The following AUTS2 variants were observed in gnomAD, a reference collection of about 807,000 sequenced individuals.
AUTS2 encodes the protein activator of transcription and developmental regulator AUTS2.
AUTS2 carries 17 observed loss-of-function variants against 112.4 expected under a neutral mutation model. The observed-to-expected ratio is 0.15, with a 90% confidence interval of 0.10 to 0.23. The LOEUF (loss-of-function observed/expected upper bound fraction) is 0.23, where lower values mean the gene tolerates loss of function less well. Ranked by LOEUF, AUTS2 falls within the 10% of genes least tolerant of loss-of-function variation. AUTS2 has a pLI of 1.00. For missense variants in AUTS2, 1,510 were observed against 1,701.6 expected (o/e 0.89, Z 1.98); for synonymous variants, 751 against 702.7 (o/e 1.07, Z -1.09).
chr7:69,845,914 T>C (rs1390116697), intron 1 of AUTS2, among the ~76,000 whole-genome samples: 1 of 152,168 alleles, frequency 6.6e-6, no homozygotes, highest in Admixed American at 6.5e-5. Context: ...ACTGTGGACA[T>C]TCTGGTTCTG....
chr7:70,576,700 T>C (rs1802185014), intron 5 of AUTS2, among the ~76,000 whole-genome samples: 2 of 152,208 alleles, frequency 1.3e-5, no homozygotes, highest in African/African-American at 4.8e-5. Flanking sequence ...AAAATAGGAA[T>C]AAGTGCAGTC....
At chr7:69,962,292 G>T (rs1380935045) in intron 2 of AUTS2, among the ~76,000 whole-genome samples, 3 of 152,114 alleles carry the variant, frequency 2.0e-5, no homozygotes, top group African/African-American at 7.2e-5. Context: ...GTGGGCCCTG[G>T]CTTCTTTCCT....
chr7:69,904,501 A>G (rs1001125591), intron 2 of AUTS2, among the ~76,000 whole-genome samples: 1 of 152,230 alleles, frequency 6.6e-6, no homozygotes, highest in African/African-American at 2.4e-5. Context: ...CATTTGAGAC[A>G]CGAATGTAAT....
At chr7:70,271,171 C>T (rs931444287) in intron 4 of AUTS2, among the ~76,000 whole-genome samples, 2 of 152,094 alleles carry the variant, frequency 1.3e-5, no homozygotes, top group Non-Finnish European at 2.9e-5. Context: ...TCCTTTCTTT[C>T]CCTTCAGTTG....
intron 2 of AUTS2, among the ~76,000 whole-genome samples, chr7:69,913,126 T>A (rs1010538415): frequency 1.3e-5 from 2 of 152,256 alleles, no homozygotes; most frequent in East Asian, 3.8e-4. Flanking sequence ...TCCACATTCC[T>A]GTGCCTGTGC....
intron 4 of AUTS2, among the ~76,000 whole-genome samples, chr7:70,388,172 T>C (rs567502235): frequency 3.9e-5 from 6 of 152,232 alleles, no homozygotes; most frequent in Non-Finnish European, 7.3e-5. Flanking sequence ...CTTCAAATTC[T>C]TTCTCTTCCA....
intron 1 of AUTS2, among the ~76,000 whole-genome samples, chr7:69,687,358 G>A (rs1427713264): frequency 6.6e-6 from 1 of 152,152 alleles, no homozygotes; most frequent in African/African-American, 2.4e-5. Flanking sequence ...CTAACTGTTG[G>A]TGTGTGTAAG....
intron 1 of AUTS2, among the ~76,000 whole-genome samples, chr7:69,694,427 T>G (rs758406400): frequency 1.3e-5 from 2 of 152,078 alleles, no homozygotes; most frequent in Non-Finnish European, 2.9e-5. Flanking sequence ...GGGAAAAAAG[T>G]TTGGGTTCTG....
chr7:70,508,279 TAGGGAGAGAAGGAAAGAA>T (rs566141115), intron 5 of AUTS2, among the ~76,000 whole-genome samples: 112 of 148,540 alleles, frequency 7.5e-4, no homozygotes, highest in African/African-American at 2.7e-3. Flanking sequence ...AGGAGGGGGG[TAGGGAGAGAAGGAAAGAA>T]AGGGAGGGAA....
At chr7:69,853,443 C>T (rs1284311180) in intron 1 of AUTS2, among the ~76,000 whole-genome samples, 3 of 152,084 alleles carry the variant, frequency 2.0e-5, no homozygotes, top group African/African-American at 7.2e-5. Context: ...CATGTAGGTA[C>T]TCCTGTTTTC....
chr7:70,163,953 A>T (rs79937753), intron 4 of AUTS2, among the ~76,000 whole-genome samples: 6,658 of 152,186 alleles, frequency 0.044, 186 homozygotes, highest in East Asian at 0.12. Context: ...TTCAACCATA[A>T]CAAAGAAACA....
intron 2 of AUTS2, among the ~76,000 whole-genome samples, chr7:70,003,451 ATAAT>A (rs1258559544): frequency 3.3e-5 from 3 of 90,812 alleles, no homozygotes; most frequent in Non-Finnish European, 6.4e-5. Flanking sequence ...ATGAATATAT[ATAAT>A]ATATATGAAT....
intron 4 of AUTS2, among the ~76,000 whole-genome samples, chr7:70,267,013 A>G (rs1173147375): frequency 6.6e-6 from 1 of 152,230 alleles, no homozygotes; most frequent in Non-Finnish European, 1.5e-5. Flanking sequence ...TGACAGCGCA[A>G]TAATGGAACT....
At chr7:70,635,454 C>CTCCCCACAGCCCG (rs1325821740) in intron 5 of AUTS2, among the ~76,000 whole-genome samples, 2 of 152,228 alleles carry the variant, frequency 1.3e-5, no homozygotes, top group African/African-American at 2.4e-5. Context: ...CAGCCAGCCC[C>CTCCCCACAGCCCG]TCCCCACAGC....
intron 4 of AUTS2, among the ~76,000 whole-genome samples, chr7:70,264,686 G>C (rs1253008940): frequency 1.3e-5 from 2 of 152,180 alleles, no homozygotes; most frequent in African/African-American, 4.8e-5. Context: ...TTGGAGTACG[G>C]TGAGTAACAT....
chr7:70,575,162 C>G (rs1222654894), intron 5 of AUTS2, among the ~76,000 whole-genome samples: 1 of 152,236 alleles, frequency 6.6e-6, no homozygotes, highest in Non-Finnish European at 1.5e-5. Context: ...AGTTGGAGTT[C>G]TTTCCATCTT....
intron 5 of AUTS2, among the ~76,000 whole-genome samples, chr7:70,481,600 T>C (rs2116198072): frequency 6.6e-6 from 1 of 152,302 alleles, no homozygotes; most frequent in South Asian, 2.1e-4. Flanking sequence ...CCTTCAGATA[T>C]TTAATTTGTA....
intron 1 of AUTS2, among the ~76,000 whole-genome samples, chr7:69,806,468 T>C (rs1040340694): frequency 6.6e-6 from 1 of 151,920 alleles, no homozygotes; most frequent in Non-Finnish European, 1.5e-5. Context: ...TGTGTATTTG[T>C]TTTTGGTGGC....
At chr7:70,689,795 AAAAG>A (rs1252701907) in intron 5 of AUTS2, among the ~76,000 whole-genome samples, 2 of 151,634 alleles carry the variant, frequency 1.3e-5, no homozygotes, top group Non-Finnish European at 2.9e-5. Flanking sequence ...AAAAAAAAAA[AAAAG>A]ATGTCGTTCC....
Sources: gnomAD v4.1 joint callset for allele counts (sites outside exome capture counted in the v4.1 genomes callset) on GRCh38, gnomAD v4.1.1 for gene constraint, MANE v1.5 for transcripts, NCBI Gene and HGNC (gene_info 2026-07-23, HGNC 2026-07-21) for gene names.